Variants in RARB observed in about 807,000 individuals in gnomAD.
The protein encoded by RARB is HBV-activated protein.
In RARB, 17 loss-of-function variants were observed where a neutral mutation model predicts 51.9. The observed-to-expected ratio is 0.33, with a 90% CI of 0.22 to 0.49. RARB has a LOEUF of 0.49. RARB is among the 20% of genes least tolerant of loss of function. RARB has a pLI of 0.99. For missense variants in RARB, 369 were observed against 550.8 expected, an observed-to-expected ratio of 0.67 and a Z score of 3.30; for synonymous variants, 215 against 195.4, an observed-to-expected ratio of 1.10 and a Z score of -0.84.
chr3:25,153,020 A>G (rs2125342321), intron 4 of RARB, among the ~76,000 whole-genome samples: 1 of 152,338 alleles, frequency 6.6e-6, no homozygotes, highest in Non-Finnish European at 1.5e-5. Context: ...TCTTCAGGGG[A>G]AAAGGACAGA....
intron 4 of RARB, among the ~76,000 whole-genome samples, chr3:25,150,014 C>T (rs951249382): frequency 3.3e-5 from 5 of 151,864 alleles, no homozygotes; most frequent in South Asian, 2.1e-4. Flanking sequence ...CCAACATGAC[C>T]GATATGGTGA....
At chr3:25,519,161 T>G (rs1698297734) in intron 3 of RARB, among the ~76,000 whole-genome samples, 1 of 152,202 alleles carries the variant, frequency 6.6e-6, no homozygotes, top group Non-Finnish European at 1.5e-5. Context: ...ATAGATAGGC[T>G]TTTCTCATGT....
intron 1 of RARB, among the ~76,000 whole-genome samples, chr3:25,459,846 C>CT (rs919275266): frequency 5.3e-5 from 8 of 152,166 alleles, no homozygotes; most frequent in African/African-American, 1.4e-4. Flanking sequence ...CTAGAAGATT[C>CT]TGGAACATTA....
chr3:25,514,216 C>T (rs1253396765), intron 3 of RARB, among the ~76,000 whole-genome samples: 1 of 152,148 alleles, frequency 6.6e-6, no homozygotes, highest in African/African-American at 2.4e-5. Context: ...CTGGAATTTG[C>T]TCCTCCTGGA....
chr3:25,225,584 C>G (rs1702039330), intron 5 of RARB, among the ~76,000 whole-genome samples: 1 of 152,032 alleles, frequency 6.6e-6, no homozygotes, highest in Non-Finnish European at 1.5e-5. Flanking sequence ...ATGTTAAAGT[C>G]TCTCAAAATA....
intron 3 of RARB, among the ~76,000 whole-genome samples, chr3:25,111,138 C>G (rs1480051038): frequency 2.0e-5 from 3 of 152,018 alleles, no homozygotes; most frequent in Admixed American, 2.0e-4. Flanking sequence ...CATATCAAAT[C>G]CATCTTGTTT....
intron 5 of RARB, among the ~76,000 whole-genome samples, chr3:25,206,671 T>A (rs1017269480): frequency 6.6e-6 from 1 of 152,126 alleles, no homozygotes; most frequent in African/African-American, 2.4e-5. Flanking sequence ...ATACAGTAGC[T>A]CAATGAAACA....
intron 5 of RARB, among the ~76,000 whole-genome samples, chr3:25,190,000 A>AT: frequency 6.6e-6 from 1 of 152,100 alleles, no homozygotes; most frequent in East Asian, 1.9e-4. Context: ...TTAGAACTGA[A>AT]TGAAGTAATG....
chr3:25,131,693 G>C lies in RARB; in HGVS notation c.-327-468G>C, dbSNP rs534153159. Among the ~76,000 whole-genome samples, 30 of 152,106 alleles carry C rather than the reference G, an allele frequency of 2.0e-4. 1 individual carries two copies. The highest frequency in any genetic ancestry group is 7.0e-4 in the African/African-American group (29 of 41,552). On this transcript the variant is annotated intron_variant, in intron 3 of 11. Coordinates refer to the RARB transcript ENST00000383772. ...TAGGAAATATATCAAGGCGGAGAGAGAGTGAAGCCATTTGCCACGCTGTCC... is the reference window on the plus strand; with the variant it reads ...TAGGAAATATATCAAGGCGGAGAGACAGTGAAGCCATTTGCCACGCTGTCC...
At chr3:25,038,616 C>T (rs889456610) in intron 2 of RARB, among the ~76,000 whole-genome samples, 1 of 152,134 alleles carries the variant, frequency 6.6e-6, no homozygotes, top group African/African-American at 2.4e-5. Context: ...CAATTTAGCA[C>T]ACACAGTTCT....
intron 4 of RARB, among the ~76,000 whole-genome samples, chr3:25,575,736 C>G (rs1700902919): frequency 6.6e-6 from 1 of 152,108 alleles, no homozygotes; most frequent in South Asian, 2.1e-4. Flanking sequence ...CCCTAATTAC[C>G]TCATTTTAAC....
chr3:25,317,964 A>G (rs990281970), intron 5 of RARB, among the ~76,000 whole-genome samples: 15 of 152,294 alleles, frequency 9.8e-5, no homozygotes, highest in African/African-American at 2.9e-4. Flanking sequence ...GCTTTCCCAG[A>G]CACTGCTGTT....
Position 25,539,444 on chromosome 3 carries a change from TCTAA to T in RARB, c.449-30311_449-30308del, listed in dbSNP as rs144195179. 0.011 allele frequency among the ~76,000 whole-genome samples: 1,638 copies of T among 151,818 alleles called. 99 individuals are homozygous for T. The East Asian group carries it at 0.18, about 16-fold the overall frequency. ...CTTCCTCTACTTCAAACCAAACATC[TCTAA>T]CTGTTTCAGTGGTCGCTTTTGTGGT... is the stretch of plus-strand genomic sequence containing the variant. On this transcript the variant is annotated intron_variant, in intron 3 of 7. Coordinates refer to ENST00000330688, the MANE Select transcript of RARB (RefSeq NM_000965.5).
intron 2 of RARB, among the ~76,000 whole-genome samples, chr3:24,975,562 C>A (rs948395779): frequency 6.6e-6 from 1 of 152,128 alleles, no homozygotes; most frequent in Non-Finnish European, 1.5e-5. Flanking sequence ...TTTGCTCTAA[C>A]ATCCCTCCCC....
intron 2 of RARB, among the ~76,000 whole-genome samples, chr3:24,875,038 G>A (rs766729106): frequency 3.0e-4 from 46 of 151,832 alleles, no homozygotes; most frequent in Non-Finnish European, 5.2e-4. Flanking sequence ...CATTAATGGG[G>A]GTAAATCTCT....
chr3:25,010,848 C>T (rs545843415), intron 2 of RARB, among the ~76,000 whole-genome samples: 1 of 152,184 alleles, frequency 6.6e-6, no homozygotes, highest in African/African-American at 2.4e-5. Flanking sequence ...TGCCGTGACT[C>T]TTTTTGATAT....
chr3:25,551,742 A>C (rs750711499), intron 3 of RARB, among the ~76,000 whole-genome samples: 1 of 152,036 alleles, frequency 6.6e-6, no homozygotes, highest in African/African-American at 2.4e-5. Context: ...GGCTAGGGAC[A>C]CTCCCAGAGA....
chr3:25,090,239 C>T lies in RARB; in HGVS notation c.-328+30063C>T, dbSNP rs1212784183. On this transcript the variant is annotated intron_variant, in intron 3 of 11. Transcript: ENST00000383772. Reference sequence around the variant, plus strand: ...CATTCAAAATAAACCCTCTGAGAACCATGCATACTTCTTTTTTAAGTTCTT... The same window carrying T: ...CATTCAAAATAAACCCTCTGAGAACTATGCATACTTCTTTTTTAAGTTCTT... 2.0e-5 allele frequency among the ~76,000 whole-genome samples: 3 copies of T among 152,096 alleles called. No individual in the cohort carries two copies. In the East Asian group the frequency reaches 5.8e-4, roughly 29 times the overall value.
At chr3:24,960,059 G>A (rs756886096) in intron 2 of RARB, among the ~76,000 whole-genome samples, 4 of 152,146 alleles carry the variant, frequency 2.6e-5, no homozygotes, top group Admixed American at 6.5e-5. Flanking sequence ...AATTGCAGCA[G>A]GGGAAAAGAT....
Sources: gnomAD v4.1 joint callset for allele counts (sites outside exome capture counted in the v4.1 genomes callset) on GRCh38, gnomAD v4.1.1 for gene constraint, MANE v1.5 for transcripts, NCBI Gene and HGNC (gene_info 2026-07-23, HGNC 2026-07-21) for gene names.